The following EFNA5 variants were observed in gnomAD, a reference collection of about 807,000 sequenced individuals.
The protein encoded by EFNA5 is ephrin-A5.
A neutral mutation model predicts 22.9 loss-of-function variants in EFNA5; 5 were observed. The ratio of observed to expected loss-of-function variants is 0.22; its 90% CI spans 0.11 to 0.46. The LOEUF is 0.46. Ranked by LOEUF, EFNA5 falls within the 20% of genes least tolerant of loss-of-function variation. The probability of loss-of-function intolerance (pLI) is 0.99; values close to 1 mark genes in which losing one functional copy is unlikely to be tolerated. For missense variants in EFNA5, 237 were observed against 293.3 expected (o/e 0.81, Z 1.40); for synonymous variants, 113 against 112.2 (o/e 1.01, Z -0.04).
At chr5:107,590,579 G>C (rs1749299927) in intron 1 of EFNA5, among the ~76,000 whole-genome samples, 1 of 151,618 alleles carries the variant, frequency 6.6e-6, no homozygotes, top group Admixed American at 6.6e-5. Flanking sequence ...TTTTTGTGGA[G>C]ACAGGGTCCT....
chr5:107,615,673 A>C (rs2112524196), intron 1 of EFNA5, among the ~76,000 whole-genome samples: 1 of 152,274 alleles, frequency 6.6e-6, no homozygotes, highest in Non-Finnish European at 1.5e-5. Flanking sequence ...AAACAAACAA[A>C]CAAAAAAATT....
At chr5:107,635,793 C>A (rs866043033) in intron 1 of EFNA5, among the ~76,000 whole-genome samples, 1 of 152,178 alleles carries the variant, frequency 6.6e-6, no homozygotes, top group South Asian at 2.1e-4. Flanking sequence ...TGCAGACACA[C>A]TGACAGTGAA....
intron 1 of EFNA5, among the ~76,000 whole-genome samples, chr5:107,478,304 G>A (rs1750366590): frequency 6.6e-6 from 1 of 152,136 alleles, no homozygotes; most frequent in Non-Finnish European, 1.5e-5. Flanking sequence ...GCATTATTCA[G>A]GAATGTTTAG....
chr5:107,524,975 T>C (rs1747665451), intron 1 of EFNA5, among the ~76,000 whole-genome samples: 1 of 152,228 alleles, frequency 6.6e-6, no homozygotes, highest in South Asian at 2.1e-4. Context: ...CATATATGTT[T>C]ATATCATACA....
Position 107,389,935 on chromosome 5 carries a change from C to G in EFNA5, c.419-2164G>C, listed in dbSNP as rs180739519. ...GAAATGTGACTGATGCCTTGTGATA[C>G]TGTGACTATTATACTCTAATCCTTA... On this transcript the variant is annotated intron_variant, in intron 2 of 4. Transcript: ENST00000333274. Among the ~76,000 whole-genome samples the G allele has an allele frequency of 1.5e-3, 227 of 152,320 alleles. 2 individuals are homozygous for G. The highest frequency in any genetic ancestry group is 4.4e-3 in the African/African-American group (184 of 41,560).
At chr5:107,635,402 A>C (rs17160287) in intron 1 of EFNA5, among the ~76,000 whole-genome samples, 51,953 of 152,124 alleles carry the variant, frequency 0.34, 9,524 homozygotes, top group South Asian at 0.53. Flanking sequence ...ACCACGAATG[A>C]AGGAAATCTT....
At chr5:107,507,781 A>G (rs75165613) in intron 1 of EFNA5, among the ~76,000 whole-genome samples, 1 of 152,206 alleles carries the variant, frequency 6.6e-6, no homozygotes, top group East Asian at 1.9e-4. Flanking sequence ...TATTTTGGAT[A>G]TGCTGAATTA....
chr5:107,624,526 C>T (rs184568457), intron 1 of EFNA5, among the ~76,000 whole-genome samples: 1 of 152,216 alleles, frequency 6.6e-6, no homozygotes, highest in Admixed American at 6.5e-5. Flanking sequence ...TGTGGTCCAG[C>T]ACAGGTGTCT....
At chr5:107,515,113 T>C (rs1289284264) in intron 1 of EFNA5, among the ~76,000 whole-genome samples, 1 of 152,066 alleles carries the variant, frequency 6.6e-6, no homozygotes, top group African/African-American at 2.4e-5. Flanking sequence ...ACTTGCACTG[T>C]AACCTCCGCC....
rs860242 is a variant in EFNA5 at position 107,405,929 on chromosome 5, A to G, written c.419-18158T>C. Among the ~76,000 whole-genome samples the G allele has an allele frequency of 4.9e-3, 699 of 141,458 alleles. 3 individuals carry two copies. Among genetic ancestry groups the G allele is most frequent in the African/African-American group, 6.1e-3 (229 of 37,366 alleles). The allele number at this position is 141,458 out of a possible 152,430, so 92.8% of individuals were successfully genotyped here. A position where few individuals can be genotyped will look rare whatever the true frequency, so the allele number is the denominator to read the frequency against. Reference sequence around the variant, plus strand: ...ATACATAGAATGTATACAAATACATATATTTGTATACATATTCTATGTATT... The same window carrying G: ...ATACATAGAATGTATACAAATACATGTATTTGTATACATATTCTATGTATT... On this transcript the variant is annotated intron_variant, in intron 2 of 4. Transcript: ENST00000333274.
At chr5:107,438,904 C>T (rs2112433591) in intron 1 of EFNA5, among the ~76,000 whole-genome samples, 3 of 152,294 alleles carry the variant, frequency 2.0e-5, no homozygotes, top group Admixed American at 2.0e-4. Flanking sequence ...CTCCCTGCAA[C>T]CATCATCAGA....
intron 1 of EFNA5, among the ~76,000 whole-genome samples, chr5:107,666,521 C>A (rs1580591305): frequency 1.3e-5 from 2 of 152,126 alleles, no homozygotes; most frequent in South Asian, 2.1e-4. Flanking sequence ...TTGAAAAAGT[C>A]CAAAGAAAAC....
At chr5:107,491,984 G>A (rs561995298) in intron 1 of EFNA5, among the ~76,000 whole-genome samples, 10 of 152,002 alleles carry the variant, frequency 6.6e-5, no homozygotes, top group East Asian at 1.9e-4. Flanking sequence ...ACAGGTGCGC[G>A]CCACTATGCC....
chr5:107,418,793 T>C (rs942704346), intron 2 of EFNA5, among the ~76,000 whole-genome samples: 6 of 152,166 alleles, frequency 3.9e-5, no homozygotes, highest in African/African-American at 1.2e-4. Context: ...ACTTTCAAGA[T>C]GGTCCCAATG....
rs1378100179 is a variant in EFNA5 at position 107,379,539 on chromosome 5, T to C, written c.*1716A>G. The C allele has an allele frequency of 5.2e-5, 4 of 77,628 alleles. No homozygotes were observed. The highest frequency in any genetic ancestry group is 1.7e-4 in the Admixed American group (1 of 5,820). The allele number at this position is 77,628 out of a possible 1,614,324, so 4.8% of individuals were successfully genotyped here. A position where few individuals can be genotyped will look rare whatever the true frequency, so the allele number is the denominator to read the frequency against. ...AGGCATGGTTTCTGTTGACATGTCG[T>C]GCAAAGCCAAAAAAAAAAAAAAAAA... is the stretch of plus-strand genomic sequence containing the variant. On this transcript the variant is annotated 3_prime_UTR_variant, in exon 5 of 5. Coordinates refer to ENST00000333274, the MANE Select transcript of EFNA5 (RefSeq NM_001962.3).
chr5:107,473,236 A>G (rs1232619670), intron 1 of EFNA5, among the ~76,000 whole-genome samples: 1 of 148,324 alleles, frequency 6.7e-6, no homozygotes, highest in African/African-American at 2.5e-5. Context: ...AAAAAGCCAC[A>G]TCATTCCCCA....
At chr5:107,414,535 G>A (rs1190516056) in intron 2 of EFNA5, among the ~76,000 whole-genome samples, 3 of 152,190 alleles carry the variant, frequency 2.0e-5, no homozygotes, top group Non-Finnish European at 2.9e-5. Context: ...TGAACTGCTT[G>A]ACTAATGAGA....
chr5:107,531,221 A>G (rs995980018), intron 1 of EFNA5, among the ~76,000 whole-genome samples: 4 of 152,224 alleles, frequency 2.6e-5, no homozygotes, highest in African/African-American at 4.8e-5. Flanking sequence ...GATCAGTGAC[A>G]CACAGCTGCC....
intron 1 of EFNA5, among the ~76,000 whole-genome samples, chr5:107,493,107 TAGAGA>T (rs1326809957): frequency 6.6e-6 from 1 of 152,018 alleles, no homozygotes; most frequent in African/African-American, 2.4e-5. Context: ...AGCCACCACC[TAGAGA>T]AAAGGAGATA....
Sources: allele counts gnomAD v4.1 joint callset (sites outside exome capture counted in the v4.1 genomes callset), GRCh38; gene constraint gnomAD v4.1.1; transcripts MANE v1.5; gene names NCBI Gene and HGNC (gene_info 2026-07-23, HGNC 2026-07-21).